PPP1R12A: variants seen among roughly 807,000 people sequenced by gnomAD.
The protein encoded by PPP1R12A is myosin binding subunit.
A neutral mutation model predicts 139.6 loss-of-function variants in PPP1R12A; 19 were observed. The ratio of observed to expected loss-of-function variants is 0.14; its 90% CI spans 0.09 to 0.20. The LOEUF is 0.20. Ranked by LOEUF, PPP1R12A falls within the 10% of genes least tolerant of loss-of-function variation. PPP1R12A has a pLI of 1.00. For missense variants in PPP1R12A, 925 were observed against 1,211.5 expected, an observed-to-expected ratio of 0.76 and a Z score of 3.51; for synonymous variants, 427 against 420.6, an observed-to-expected ratio of 1.02 and a Z score of -0.19.
Position 79,794,032 on chromosome 12 carries a change from T to C in PPP1R12A, c.2584-104A>G, listed in dbSNP as rs61519940. 6,540 of 765,652 alleles carry C rather than the reference T, an allele frequency of 8.5e-3. 216 individuals are homozygous for C. In the African/African-American group the frequency reaches 0.086, roughly 10 times the overall value. 47.4% of individuals were successfully genotyped at this position (765,652 alleles called of 1,614,324 possible). ...GAGTCCTTCTCTCTCAGAATATACA[T>C]TGAGACATTTGTAGATAGAATGAGA... On this transcript the variant is annotated intron_variant, in intron 18 of 24. Coordinates refer to ENST00000450142, the MANE Select transcript of PPP1R12A (RefSeq NM_002480.3).
At position 79,822,219 on chromosome 12, in the gene PPP1R12A, T is replaced by C. The variant is rs762681323; in HGVS notation, c.793-29A>G. ...CGTAGGAAACAAGGGGGGATGGTGA[T>C]GGTCAAAAGTCAATAAATCATAAAA... On this transcript the variant is annotated intron_variant, in intron 5 of 24. Transcript: ENST00000450142. 19 of 1,450,206 alleles carry C rather than the reference T, an allele frequency of 1.3e-5. No individual in the cohort carries two copies. The East Asian group carries it at 3.8e-4, about 29-fold the overall frequency. The allele number at this position is 1,450,206 out of a possible 1,614,324, so 89.8% of individuals were successfully genotyped here. A position where few individuals can be genotyped will look rare whatever the true frequency, so the allele number is the denominator to read the frequency against.
chr12:79,871,637 C>A (rs1450935744), intron 2 of PPP1R12A, among the ~76,000 whole-genome samples: 8 of 152,042 alleles, frequency 5.3e-5, no homozygotes, highest in Admixed American at 4.6e-4. Context: ...TATTCCATAT[C>A]AATTAACTCC....
chr12:79,809,815 A>C lies in PPP1R12A; in HGVS notation c.1435T>G (p.Ser479Ala). 6.2e-7 allele frequency: 1 copy of C among 1,612,542 alleles called. No individual in the cohort carries two copies. ...ATTACCTTTTCTTTATTATCCAAAG[A>C]GGAGGAAAGTCTGGGACTTGAAGCT... ...RSASSPRLSSSLDNKEKEKDS... is the reference protein window; with the variant it reads ...RSASSPRLSSALDNKEKEKDS... The change falls in exon 10 of 25, where the codon TCT becomes GCT. Residue 479 changes from serine to alanine, a missense_variant. By Grantham distance (99) the Ser-to-Ala change is moderately conservative (BLOSUM62 1). This residue lies in a region of PPP1R12A where 403 missense variants were observed against 463.7 expected (regional missense o/e 0.87). Coordinates refer to ENST00000450142, the MANE Select transcript of PPP1R12A (RefSeq NM_002480.3).
chr12:79,843,433 C>G (rs1462812436), intron 3 of PPP1R12A, among the ~76,000 whole-genome samples: 1 of 151,558 alleles, frequency 6.6e-6, no homozygotes, highest in Non-Finnish European at 1.5e-5. Context: ...AAAATATTAG[C>G]CAGGCACGGT....
intron 4 of PPP1R12A, among the ~76,000 whole-genome samples, chr12:79,829,841 T>C (rs1877207941): frequency 6.6e-6 from 1 of 151,980 alleles, no homozygotes; most frequent in Non-Finnish European, 1.5e-5. Flanking sequence ...AAGAGGTAAA[T>C]TTTTTCAACA....
chr12:79,912,712 G>T (rs903492187), intron 1 of PPP1R12A, among the ~76,000 whole-genome samples: 5 of 148,460 alleles, frequency 3.4e-5, no homozygotes, highest in South Asian at 4.2e-4. Context: ...AAAAAAAGAA[G>T]AAATAAAATT....
At chr12:79,814,008 C>A (rs910792621) in intron 9 of PPP1R12A, among the ~76,000 whole-genome samples, 1 of 151,964 alleles carries the variant, frequency 6.6e-6, no homozygotes, top group East Asian at 1.9e-4. Flanking sequence ...ATTGCAAAAC[C>A]TTTTAAGATG....
At chr12:79,926,493 C>G (rs1472806828) in intron 1 of PPP1R12A, among the ~76,000 whole-genome samples, 1 of 152,124 alleles carries the variant, frequency 6.6e-6, no homozygotes, top group Non-Finnish European at 1.5e-5. Flanking sequence ...ACCCAGCCAC[C>G]TAATAAATGT....
intron 1 of PPP1R12A, among the ~76,000 whole-genome samples, chr12:79,929,537 G>A (rs1455295718): frequency 6.6e-6 from 1 of 152,014 alleles, no homozygotes; most frequent in African/African-American, 2.4e-5. Context: ...AGGCCAAGAC[G>A]GGCGGATCAC....
chr12:79,860,136 C>T (rs78824540), intron 2 of PPP1R12A, among the ~76,000 whole-genome samples: 1 of 152,058 alleles, frequency 6.6e-6, no homozygotes, highest in Admixed American at 6.6e-5. Flanking sequence ...TAAAAGCATG[C>T]CTTAAGTATT....
At chr12:79,864,610 A>T (rs928086163) in intron 2 of PPP1R12A, among the ~76,000 whole-genome samples, 3 of 152,180 alleles carry the variant, frequency 2.0e-5, no homozygotes, top group African/African-American at 7.2e-5. Flanking sequence ...GAAGAATCCA[A>T]TAGACACAAT....
chr12:79,856,916 A>G (rs548527795), intron 2 of PPP1R12A, among the ~76,000 whole-genome samples: 2 of 152,232 alleles, frequency 1.3e-5, no homozygotes, highest in Non-Finnish European at 2.9e-5. Context: ...ATATCAGTCA[A>G]TAAGTTTTAA....
intron 19 of PPP1R12A, among the ~76,000 whole-genome samples, chr12:79,793,111 T>C (rs898280434): frequency 6.6e-6 from 1 of 152,186 alleles, no homozygotes; most frequent in Non-Finnish European, 1.5e-5. Flanking sequence ...ATGACCAGAA[T>C]GCTATTTCAT....
At chr12:79,812,382 C>CTGTGTGCGTG (rs370114772) in intron 9 of PPP1R12A, among the ~76,000 whole-genome samples, 21,559 of 112,166 alleles carry the variant, frequency 0.19, 2,552 homozygotes, top group Middle Eastern at 0.31. Flanking sequence ...TTGACTGACT[C>CTGTGTGCGTG]TGTGTGTGCG....
intron 23 of PPP1R12A, chr12:79,780,231 A>T (rs929840460): frequency 2.0e-5 from 3 of 151,494 alleles, no homozygotes; most frequent in Non-Finnish European, 4.4e-5. Context: ...ACAAACAAAA[A>T]AAAAACACAA....
At chr12:79,913,161 T>G (rs866370642) in intron 1 of PPP1R12A, among the ~76,000 whole-genome samples, 6 of 152,268 alleles carry the variant, frequency 3.9e-5, no homozygotes, top group South Asian at 2.1e-4. Context: ...TTGTGATGCA[T>G]CTGTGTATTT....
At chr12:79,888,831 C>T (rs1884339510) in intron 1 of PPP1R12A, among the ~76,000 whole-genome samples, 2 of 152,162 alleles carry the variant, frequency 1.3e-5, no homozygotes, top group Admixed American at 6.5e-5. Context: ...AGCATCTGTA[C>T]CCCTAACCAA....
chr12:79,922,925 G>A (rs1887554457), intron 1 of PPP1R12A, among the ~76,000 whole-genome samples: 1 of 151,936 alleles, frequency 6.6e-6, no homozygotes, highest in African/African-American at 2.4e-5. Context: ...TAAGATTGCA[G>A]ATAAGATTTC....
intron 1 of PPP1R12A, among the ~76,000 whole-genome samples, chr12:79,893,734 A>C (rs1299459630): frequency 6.6e-6 from 1 of 152,192 alleles, no homozygotes; most frequent in Non-Finnish European, 1.5e-5. Flanking sequence ...CCTTTTTCCT[A>C]CATGAAAAAT....
Sources: allele counts gnomAD v4.1 joint callset (sites outside exome capture counted in the v4.1 genomes callset), GRCh38; gene constraint gnomAD v4.1.1; regional missense constraint gnomAD v4.1.1; transcripts MANE v1.5; gene names NCBI Gene and HGNC (gene_info 2026-07-23, HGNC 2026-07-21).